The following SLC44A1 variants were observed in gnomAD, a reference collection of about 807,000 sequenced individuals.
SLC44A1 encodes choline transporter-like protein 1.
Under a neutral mutation model 79.3 loss-of-function variants are expected in SLC44A1, and 26 were observed. The ratio of observed to expected loss-of-function variants is 0.33; its 90% CI spans 0.24 to 0.46. SLC44A1 has a LOEUF of 0.46. Among genes scored for constraint, SLC44A1 ranks in the 20% least tolerant of loss-of-function variants. The pLI is 1.00. For missense variants in SLC44A1, 688 were observed against 798.1 expected (o/e 0.86, Z 1.66); for synonymous variants, 263 against 286.2 (o/e 0.92, Z 0.82).
chr9:105,355,694 C>T (rs76504122), intron 5 of SLC44A1, among the ~76,000 whole-genome samples: 7,126 of 152,278 alleles, frequency 0.047, 228 homozygotes, highest in South Asian at 0.1. Context: ...ATGCTGTAAA[C>T]ACCTTTATTA....
At chr9:105,269,595 C>T (rs909319104) in intron 1 of SLC44A1, among the ~76,000 whole-genome samples, 2 of 152,142 alleles carry the variant, frequency 1.3e-5, no homozygotes, top group Non-Finnish European at 1.5e-5. Context: ...GCCCACAAAC[C>T]CTCCCTTTGA....
intron 3 of SLC44A1, among the ~76,000 whole-genome samples, chr9:105,321,098 A>G (rs550799495): frequency 5.3e-5 from 8 of 152,288 alleles, no homozygotes; most frequent in South Asian, 2.1e-4. Context: ...GTTTTTATTA[A>G]TGGCTCATGT....
At chr9:105,361,585 C>T (rs1220598238) in intron 8 of SLC44A1, among the ~76,000 whole-genome samples, 1 of 152,158 alleles carries the variant, frequency 6.6e-6, no homozygotes, top group African/African-American at 2.4e-5. Context: ...ATTTACATTA[C>T]CATTTGCTTA....
chr9:105,310,822 C>T (rs1408262846), intron 3 of SLC44A1, among the ~76,000 whole-genome samples: 9 of 152,120 alleles, frequency 5.9e-5, no homozygotes, highest in Admixed American at 4.6e-4. Flanking sequence ...AATTTCTCAG[C>T]GTTATTACTC....
intron 3 of SLC44A1, among the ~76,000 whole-genome samples, chr9:105,314,498 G>A (rs1831267561): frequency 6.6e-6 from 1 of 152,142 alleles, no homozygotes; most frequent in South Asian, 2.1e-4. Flanking sequence ...TTTTCCCAGT[G>A]TATCTCACAC....
chr9:105,313,589 T>A (rs989030167), intron 3 of SLC44A1, among the ~76,000 whole-genome samples: 1 of 152,118 alleles, frequency 6.6e-6, no homozygotes, highest in Non-Finnish European at 1.5e-5. Context: ...CTGGCTGCCA[T>A]TTTTTTGATG....
Position 105,396,787 on chromosome 9 carries a change from G to C in SLC44A1, c.*7731G>C. 2 of 981,094 alleles carry C rather than the reference G, an allele frequency of 2.0e-6. No homozygotes were observed. Among genetic ancestry groups the C allele is most frequent in the South Asian group, 4.7e-5 (1 of 21,132 alleles). The allele number at this position is 981,094 out of a possible 1,614,324, so 60.8% of individuals were successfully genotyped here. ...AAAATGAATTTTTGTATCTTGTCTT[G>C]TCTTTGTCCATTATAAACTGGAGGA... On this transcript the variant is annotated 3_prime_UTR_variant, in exon 16 of 16. Coordinates refer to ENST00000374720, the MANE Select transcript of SLC44A1 (RefSeq NM_080546.5).
rs1211734188 is a variant in SLC44A1 at position 105,392,643 on chromosome 9, C to T, written c.*3587C>T. 3.0e-6 allele frequency: 3 copies of T among 985,406 alleles called. No individual in the cohort carries two copies. The highest frequency in any genetic ancestry group is 1.7e-5 in the African/African-American group (1 of 57,318). The allele number at this position is 985,406 out of a possible 1,614,324, so 61.0% of individuals were successfully genotyped here. A position where few individuals can be genotyped will look rare whatever the true frequency, so the allele number is the denominator to read the frequency against. On this transcript the variant is annotated 3_prime_UTR_variant, in exon 16 of 16. Transcript: ENST00000374720. ...TCAAAACAGCTACAGGAACTGCAGG[C>T]ACCACATATGTGTGAGGCCACATCA... is the stretch of plus-strand genomic sequence containing the variant.
intron 12 of SLC44A1, among the ~76,000 whole-genome samples, chr9:105,371,631 A>G (rs1828104179): frequency 6.7e-6 from 1 of 148,812 alleles, no homozygotes; most frequent in African/African-American, 2.5e-5. Flanking sequence ...AGGCAGGAGA[A>G]TGGTGTGAAC....
intron 1 of SLC44A1, among the ~76,000 whole-genome samples, chr9:105,263,966 A>G (rs1019340330): frequency 2.6e-5 from 4 of 151,922 alleles, no homozygotes; most frequent in African/African-American, 4.8e-5. Flanking sequence ...TTTTCCCCCT[A>G]TATATCTTTA....
intron 12 of SLC44A1, among the ~76,000 whole-genome samples, chr9:105,373,653 A>T (rs1474518790): frequency 6.6e-6 from 1 of 152,166 alleles, no homozygotes; most frequent in Admixed American, 6.5e-5. Flanking sequence ...GCAAGTTCCC[A>T]ATGTCCCAAC....
intron 15 of SLC44A1, among the ~76,000 whole-genome samples, chr9:105,414,156 G>C (rs1471255953): frequency 6.6e-6 from 1 of 151,020 alleles, no homozygotes; most frequent in Non-Finnish European, 1.5e-5. Context: ...TCTGCCTCCC[G>C]GGTTCGAGCA....
intron 4 of SLC44A1, among the ~76,000 whole-genome samples, chr9:105,343,515 A>G (rs1827161729): frequency 6.6e-6 from 1 of 152,142 alleles, no homozygotes; most frequent in African/African-American, 2.4e-5. Flanking sequence ...TAAAATTTAA[A>G]CCCCAGAGTA....
chr9:105,330,170 T>C (rs547374859), intron 3 of SLC44A1, among the ~76,000 whole-genome samples: 1 of 152,288 alleles, frequency 6.6e-6, no homozygotes, highest in South Asian at 2.1e-4. Flanking sequence ...CAGCCCTATA[T>C]CATGTACAGG....
At chr9:105,254,593 A>G (rs1271915891) in intron 1 of SLC44A1, among the ~76,000 whole-genome samples, 1 of 152,128 alleles carries the variant, frequency 6.6e-6, no homozygotes, top group Non-Finnish European at 1.5e-5. Flanking sequence ...GTTTCCTAAC[A>G]TTTTACTTAT....
intron 15 of SLC44A1, among the ~76,000 whole-genome samples, chr9:105,422,281 CTTTTTTTTTTTTTT>C (rs554922812): frequency 1.0e-5 from 1 of 95,928 alleles, no homozygotes; most frequent in African/African-American, 4.5e-5. Context: ...CTGCTCCATC[CTTTTTTTTTTTTTT>C]TTTTTTTTTT....
chr9:105,406,213 CCA>C (rs150777262), intron 15 of SLC44A1, among the ~76,000 whole-genome samples: 10 of 151,050 alleles, frequency 6.6e-5, no homozygotes, highest in South Asian at 4.2e-4. Context: ...ACTTCAGTGG[CCA>C]CACACACACA....
At chr9:105,431,491 T>C (rs1335811701) in intron 15 of SLC44A1, among the ~76,000 whole-genome samples, 1 of 152,212 alleles carries the variant, frequency 6.6e-6, no homozygotes, top group Admixed American at 6.5e-5. Context: ...TATATTTCAT[T>C]CTCTAACAAG....
intron 15 of SLC44A1, among the ~76,000 whole-genome samples, chr9:105,414,038 A>T: frequency 1.3e-5 from 2 of 149,342 alleles, no homozygotes. Flanking sequence ...TTCGCTGGAC[A>T]GTTAGTGTTT....
Sources: gnomAD v4.1 joint callset for allele counts (sites outside exome capture counted in the v4.1 genomes callset) on GRCh38, gnomAD v4.1.1 for gene constraint, MANE v1.5 for transcripts, NCBI Gene and HGNC (gene_info 2026-07-23, HGNC 2026-07-21) for gene names.